Variants in RPA3 observed in about 807,000 individuals in gnomAD.
RPA3 encodes the protein replication protein A3.
A neutral mutation model predicts 13.7 loss-of-function variants in RPA3; 24 were observed. That is an observed-to-expected ratio of 1.75 (90% confidence interval 1.27 to 2.46). RPA3 has a LOEUF of 2.46. RPA3 is among the 30% of genes most tolerant of loss of function. RPA3 has a pLI of 0.00. For missense variants in RPA3, 183 were observed against 151.0 expected, an observed-to-expected ratio of 1.21 and a Z score of -1.11; for synonymous variants, 59 against 51.2, an observed-to-expected ratio of 1.15 and a Z score of -0.65.
Position 7,640,664 on chromosome 7 carries a change from A to C in RPA3, c.-246T>G, listed in dbSNP as rs1784945996. 1 of 521,600 alleles carries C rather than the reference A, an allele frequency of 1.9e-6. No individual in the cohort carries two copies. The highest frequency in any genetic ancestry group is 3.4e-6 in the Non-Finnish European group (1 of 291,442). 32.3% of individuals were successfully genotyped at this position (521,600 alleles called of 1,614,324 possible). A position where few individuals can be genotyped will look rare whatever the true frequency, so the allele number is the denominator to read the frequency against. ...GACGCGCGGCGTCCCGGAAGTTGAC[A>C]GATACAGGGCGAGAGGCAGTGGAGG... On this transcript the variant is annotated 5_prime_UTR_variant, in exon 5 of 8. Transcript: ENST00000223129.
chr7:7,686,082 A>G (rs917007041), intron 3 of RPA3, 84 bp from the exon 4 acceptor site: 4 of 152,224 alleles, frequency 2.6e-5, no homozygotes, highest in African/African-American at 9.6e-5. Context: ...ACTTGGGAAG[A>G]GTTGACTGTT....
intron 2 of RPA3, among the ~76,000 whole-genome samples, chr7:7,693,649 A>G (rs2115141297): frequency 6.6e-6 from 1 of 152,234 alleles, no homozygotes; most frequent in African/African-American, 2.4e-5. Context: ...AAATTCTATA[A>G]CTTTTAGTGG....
chr7:7,642,161 ATCTC>A (rs940736526), intron 4 of RPA3, among the ~76,000 whole-genome samples: 5 of 152,176 alleles, frequency 3.3e-5, no homozygotes, highest in Admixed American at 1.3e-4. Flanking sequence ...TTGAGGCAAG[ATCTC>A]TCTCTGTCAC....
At chr7:7,664,554 G>A (rs998455156) in intron 4 of RPA3, among the ~76,000 whole-genome samples, 2 of 152,098 alleles carry the variant, frequency 1.3e-5, no homozygotes, top group African/African-American at 4.8e-5. Flanking sequence ...TTCCTCTAGT[G>A]AGGTTAATCT....
At chr7:7,641,868 T>C (rs1219112996) in intron 4 of RPA3, among the ~76,000 whole-genome samples, 1 of 152,202 alleles carries the variant, frequency 6.6e-6, no homozygotes, top group Non-Finnish European at 1.5e-5. Context: ...TGGAATCTCA[T>C]GTACGATAAT....
chr7:7,680,546 G>A (rs1217209077), intron 4 of RPA3, among the ~76,000 whole-genome samples: 1 of 152,134 alleles, frequency 6.6e-6, no homozygotes, highest in East Asian at 1.9e-4. Context: ...CTATATAAAT[G>A]TTAGGATTAT....
chr7:7,668,029 A>C (rs947118711), intron 4 of RPA3, among the ~76,000 whole-genome samples: 2 of 150,728 alleles, frequency 1.3e-5, no homozygotes, highest in Non-Finnish European at 3.0e-5. Flanking sequence ...CAGTCCTCCA[A>C]CCTCAGCCTC....
chr7:7,692,748 TACAGG>T (rs1435980700), intron 2 of RPA3, among the ~76,000 whole-genome samples: 1 of 152,128 alleles, frequency 6.6e-6, no homozygotes, highest in East Asian at 1.9e-4. Context: ...TAGTTGGGAC[TACAGG>T]CCTGCGCCAC....
chr7:7,686,756 A>T (rs1011515975), intron 3 of RPA3, among the ~76,000 whole-genome samples: 3 of 152,118 alleles, frequency 2.0e-5, no homozygotes, highest in African/African-American at 7.2e-5. Flanking sequence ...TTATCTTTCC[A>T]TGTGGCCGTT....
chr7:7,646,474 C>T lies in RPA3; in HGVS notation c.-757-5299G>A, dbSNP rs947409255. On this transcript the variant is annotated intron_variant, in intron 4 of 7. Transcript: ENST00000223129. ...TGGCTTTATAAGGGGAAACCCCTTT[C>T]GCTGGATTTTTTTTTTTTTTTTTTT... 1.9e-4 allele frequency among the ~76,000 whole-genome samples: 24 copies of T among 127,508 alleles called. 1 individual carries two copies. The highest frequency in any genetic ancestry group is 3.6e-4 in the Admixed American group (4 of 11,018). 83.7% of individuals were successfully genotyped at this position (127,508 alleles called of 152,430 possible). A position where few individuals can be genotyped will look rare whatever the true frequency, so the allele number is the denominator to read the frequency against.
At chr7:7,711,112 T>G (rs1325249093) in intron 2 of RPA3, among the ~76,000 whole-genome samples, 1 of 152,228 alleles carries the variant, frequency 6.6e-6, no homozygotes, top group East Asian at 1.9e-4. Context: ...ATGGAGATGT[T>G]CTGTATCTGG....
intron 4 of RPA3, among the ~76,000 whole-genome samples, chr7:7,663,933 A>C (rs1563098247): frequency 6.6e-6 from 1 of 152,322 alleles, no homozygotes; most frequent in East Asian, 1.9e-4. Context: ...CAGGAAATCT[A>C]CTGAATTCTA....
intron 4 of RPA3, among the ~76,000 whole-genome samples, chr7:7,684,762 TA>T (rs1780000698): frequency 6.6e-6 from 1 of 152,216 alleles, no homozygotes. Flanking sequence ...TTAACACCCG[TA>T]AACTTTTCAA....
At position 7,640,900 on chromosome 7, in the gene RPA3, G is replaced by C; in HGVS notation, c.-482C>G. On this transcript the variant is annotated 5_prime_UTR_variant, in exon 5 of 8. Transcript: ENST00000223129. ...CGAACAGAGTCAAAAGAGCTAGGCG[G>C]GAGTCGGCACTAGCTGCTGCCGCGG... The C allele has an allele frequency of 5.8e-6, 1 of 172,222 alleles. No individual in the cohort carries two copies. The allele number at this position is 172,222 out of a possible 1,614,324, so 10.7% of individuals were successfully genotyped here.
intron 7 of RPA3, among the ~76,000 whole-genome samples, chr7:7,637,585 C>T (rs920574569): frequency 6.7e-6 from 1 of 150,358 alleles, no homozygotes; most frequent in African/African-American, 2.4e-5. Context: ...AACTGTTTTC[C>T]TGTATGTTTA....
At chr7:7,701,080 A>T (rs1780450696) in intron 2 of RPA3, among the ~76,000 whole-genome samples, 1 of 152,182 alleles carries the variant, frequency 6.6e-6, no homozygotes, top group Non-Finnish European at 1.5e-5. Context: ...TACAAGTATA[A>T]TTCACACTTG....
chr7:7,661,611 G>C (rs1563095445), intron 4 of RPA3, among the ~76,000 whole-genome samples: 1 of 152,148 alleles, frequency 6.6e-6, no homozygotes, highest in African/African-American at 2.4e-5. Context: ...TCGAGACCCT[G>C]TTTGCCTAGG....
chr7:7,639,353 C>CA (rs1784915859), intron 5 of RPA3, among the ~76,000 whole-genome samples: 3 of 152,016 alleles, frequency 2.0e-5, no homozygotes, highest in Admixed American at 1.3e-4. Flanking sequence ...TTCAGATAAA[C>CA]AAGGATTTTT....
chr7:7,648,160 C>T (rs1046298032), intron 4 of RPA3, among the ~76,000 whole-genome samples: 2 of 152,150 alleles, frequency 1.3e-5, no homozygotes, highest in African/African-American at 2.4e-5. Flanking sequence ...TTAAAGAAGT[C>T]ATTTCGTTCT....
Sources: gnomAD v4.1 joint callset for allele counts (sites outside exome capture counted in the v4.1 genomes callset) on GRCh38, gnomAD v4.1.1 for gene constraint, MANE v1.5 for transcripts, NCBI Gene and HGNC (gene_info 2026-07-23, HGNC 2026-07-21) for gene names.